PRKAR1B: variants seen among roughly 807,000 people sequenced by gnomAD.
PRKAR1B encodes the protein cAMP-dependent protein kinase type I-beta regulatory subunit.
A neutral mutation model predicts 46.5 loss-of-function variants in PRKAR1B; 22 were observed. The ratio of observed to expected loss-of-function variants is 0.47; its 90% CI spans 0.34 to 0.68. The LOEUF (loss-of-function observed/expected upper bound fraction) is 0.68. Among genes scored for constraint, PRKAR1B ranks in the 30% least tolerant of loss-of-function variants. PRKAR1B has a pLI of 0.01. For missense variants in PRKAR1B, 445 were observed against 535.6 expected (o/e 0.83, Z 1.67); for synonymous variants, 259 against 217.7 (o/e 1.19, Z -1.67).
intron 8 of PRKAR1B, among the ~76,000 whole-genome samples, chr7:584,234 A>G (rs1018444384): frequency 6.6e-6 from 1 of 152,246 alleles, no homozygotes; most frequent in African/African-American, 2.4e-5. Context: ...AGGGAGAAGC[A>G]GACAGGAAAC....
In PRKAR1B at chr7:553,766, T is replaced by C. The variant is rs1039509148; in HGVS notation, c.892-2296A>G. On this transcript the variant is annotated intron_variant, in intron 9 of 10. Transcript: ENST00000537384. The stretch of plus-strand genomic sequence containing the variant: ...AGAGATGTGGGTCAGGAGACCCTGC[T>C]GGTGCCCGCCACGCCTAGAATCTCC... 3.3e-5 allele frequency among the ~76,000 whole-genome samples: 5 copies of C among 152,386 alleles called. No homozygotes were observed. In the South Asian group the frequency reaches 8.3e-4, roughly 25 times the overall value.
intron 9 of PRKAR1B, among the ~76,000 whole-genome samples, chr7:563,239 T>C (rs961001304): frequency 6.6e-6 from 1 of 152,184 alleles, no homozygotes; most frequent in African/African-American, 2.4e-5. Context: ...CTGAGGGTCC[T>C]CTGAGAGCAC....
At chr7:550,754 T>C (rs979424540) in intron 10 of PRKAR1B, 152 bp from the exon 11 acceptor site, 6 of 627,658 alleles carry the variant, frequency 9.6e-6, no homozygotes, top group Middle Eastern at 4.4e-4. Context: ...AGCATAAGTA[T>C]AGCCCGAGAA....
rs184397225 is a variant in PRKAR1B, at chr7:714,340, C to T, written c.-22-2813G>A. Among the ~76,000 whole-genome samples the T allele has an allele frequency of 7.0e-4, 107 of 152,290 alleles. No homozygotes were observed. Among genetic ancestry groups the T allele is most frequent in the Non-Finnish European group, 1.4e-3 (94 of 68,006 alleles). ...ACAGGACAGCCCTCTGATCCCGAGG[C>T]GCACACACAAGCCCTCCTTCTGCTG... On this transcript the variant is annotated intron_variant, in intron 1 of 10. Transcript: ENST00000537384. This position sits in a 1 kb window ranked among gnomAD's most constrained non-coding sequence, Gnocchi z 4.3.
intron 6 of PRKAR1B, among the ~76,000 whole-genome samples, chr7:605,118 AAGG>A (rs1466635185): frequency 6.6e-6 from 1 of 152,226 alleles, no homozygotes. Flanking sequence ...CAGAGAGCAG[AAGG>A]AGAAGCAGGA....
At chr7:675,368 C>T (rs544852079) in intron 4 of PRKAR1B, among the ~76,000 whole-genome samples, 1 of 152,344 alleles carries the variant, frequency 6.6e-6, no homozygotes, top group East Asian at 1.9e-4. Flanking sequence ...GCGGCTGGAG[C>T]CCCCACCAGA....
rs186672181 is a variant in PRKAR1B, at chr7:597,746, G to A, written c.550-1442C>T. Among the ~76,000 whole-genome samples, 12 of 152,296 alleles carry A rather than the reference G, an allele frequency of 7.9e-5. No individual in the cohort carries two copies. The South Asian group carries it at 1.2e-3, about 16-fold the overall frequency. ...GCCGGGGGAAGGGCCTGCGATGGCC[G>A]GGGCACAGCCTGGCCTGCGGGCGAT... On this transcript the variant is annotated intron_variant, in intron 6 of 10. Transcript: ENST00000537384.
chr7:615,690 T>G (rs1782767166), intron 4 of PRKAR1B, among the ~76,000 whole-genome samples: 1 of 148,078 alleles, frequency 6.8e-6, no homozygotes, highest in African/African-American at 2.5e-5. Context: ...TAGCCGGGCG[T>G]GGTGGCAGGC....
chr7:550,710 G>T (rs1784129613), intron 10 of PRKAR1B, 108 bp from the exon 11 acceptor site: 1 of 908,200 alleles, frequency 1.1e-6, no homozygotes, highest in Non-Finnish European at 1.6e-6. Context: ...AGGATAGGAT[G>T]TGCCAGGCAC....
intron 2 of PRKAR1B, among the ~76,000 whole-genome samples, chr7:700,662 T>C (rs1330314318): frequency 6.6e-6 from 1 of 150,932 alleles, no homozygotes; most frequent in Non-Finnish European, 1.5e-5. Flanking sequence ...GAAATCAAAT[T>C]TATTTAAAAA....
intron 4 of PRKAR1B, among the ~76,000 whole-genome samples, chr7:647,201 C>T (rs1211089594): frequency 1.3e-5 from 2 of 152,150 alleles, no homozygotes; most frequent in African/African-American, 4.8e-5. Context: ...CCAGCAACCC[C>T]CAACCTGCGG....
chr7:659,491 C>G (rs556648492), intron 4 of PRKAR1B, among the ~76,000 whole-genome samples: 1 of 152,108 alleles, frequency 6.6e-6, no homozygotes, highest in Non-Finnish European at 1.5e-5. Context: ...CACGCCGTCC[C>G]GAGCCGGAAT....
chr7:577,409 T>C (rs1292060623), intron 9 of PRKAR1B, among the ~76,000 whole-genome samples: 2 of 151,808 alleles, frequency 1.3e-5, no homozygotes, highest in African/African-American at 4.8e-5. Flanking sequence ...AGGTACAGAG[T>C]TGGGGCGTGT....
chr7:616,008 A>AGAGAG (rs1554293511), intron 4 of PRKAR1B, among the ~76,000 whole-genome samples: 10 of 149,396 alleles, frequency 6.7e-5, no homozygotes, highest in East Asian at 4.0e-4. Context: ...AAAAGGAAGA[A>AGAGAG]AGAGAGAGAG....
At chr7:728,119 C>CT (rs1429767637), upstream of PRKAR1B, among the ~76,000 whole-genome samples, 2 of 152,166 alleles carry the variant, frequency 1.3e-5, no homozygotes, top group Non-Finnish European at 2.9e-5. Flanking sequence ...CGTTCCCCAT[C>CT]TTTTTTAGAG....
rs1236040034 is a variant in PRKAR1B at position 711,523 on chromosome 7, C to T, written c.-18G>A. The T allele has an allele frequency of 6.2e-7, 1 of 1,610,916 alleles. No homozygotes were observed. Among genetic ancestry groups the T allele is most frequent in the Non-Finnish European group, 8.5e-7 (1 of 1,178,534 alleles). On this transcript the variant is annotated 5_prime_UTR_variant, in exon 2 of 11. Coordinates refer to ENST00000537384, the MANE Select transcript of PRKAR1B (RefSeq NM_001164760.2). ...GAGGCCATGGCGAGGGTGGCTGCTT[C>T]CTTCCTGTCCAGAAAACACACAGAT...
At chr7:633,121 C>A (rs1177488350) in intron 4 of PRKAR1B, among the ~76,000 whole-genome samples, 2 of 152,244 alleles carry the variant, frequency 1.3e-5, no homozygotes, top group Admixed American at 6.5e-5. Context: ...GAAACAAACC[C>A]TTCACGCTGT....
At position 569,112 on chromosome 7, in the gene PRKAR1B, G is replaced by A. The variant is rs1165977346; in HGVS notation, c.891+10144C>T. On this transcript the variant is annotated intron_variant, in intron 9 of 10. Coordinates refer to ENST00000537384, the MANE Select transcript of PRKAR1B (RefSeq NM_001164760.2). ...AGAAAATATCAAGGCAAAGGCACTT[G>A]TCAAAGGAACCACACAAATGGGACC... 2.0e-5 allele frequency among the ~76,000 whole-genome samples: 3 copies of A among 151,396 alleles called. No homozygotes were observed. The East Asian group carries it at 5.8e-4, about 29-fold the overall frequency.
intron 6 of PRKAR1B, among the ~76,000 whole-genome samples, chr7:599,589 C>G (rs1781476875): frequency 6.6e-6 from 1 of 152,232 alleles, no homozygotes; most frequent in Non-Finnish European, 1.5e-5. Context: ...CGCCCAGCTT[C>G]TCTTCTTTTA....
Sources: gnomAD v4.1 joint callset for allele counts (sites outside exome capture counted in the v4.1 genomes callset) on GRCh38, gnomAD v4.1.1 for gene constraint, Gnocchi (gnomAD v3.1) non-coding constraint, MANE v1.5 for transcripts, NCBI Gene and HGNC (gene_info 2026-07-23, HGNC 2026-07-21) for gene names.